TTYH3: variants seen among roughly 807,000 people sequenced by gnomAD.
TTYH3 encodes protein tweety homolog 3.
In TTYH3, 23 loss-of-function variants were observed where a neutral mutation model predicts 68.2. The observed-to-expected ratio is 0.34, with a 90% CI of 0.24 to 0.48. The LOEUF is 0.48. Among genes scored for constraint, TTYH3 ranks in the 20% least tolerant of loss-of-function variants. The pLI, the probability that TTYH3 is intolerant of heterozygous loss-of-function variation, is 0.99. For synonymous variants in TTYH3, 360 were observed against 332.8 expected, an observed-to-expected ratio of 1.08 and a Z score of -0.89; for missense variants, 768 against 727.7, an observed-to-expected ratio of 1.06 and a Z score of -0.64.
chr7:2,662,951 C>T lies in TTYH3; in HGVS notation c.*1212C>T, dbSNP rs113829011. On this transcript the variant is annotated 3_prime_UTR_variant, in exon 14 of 14. Transcript: ENST00000258796. Reference sequence around the variant, plus strand: ...GGTGCTGCCCCAGGAGGACTGTCCTCGGGAATGAACCTCCCGCGGGCTTTG... The same window carrying T: ...GGTGCTGCCCCAGGAGGACTGTCCTTGGGAATGAACCTCCCGCGGGCTTTG... 10 of 152,278 alleles carry T rather than the reference C, an allele frequency of 6.6e-5. No individual in the cohort carries two copies. Among genetic ancestry groups the T allele is most frequent in the African/African-American group, 1.7e-4 (7 of 41,466 alleles). The allele number at this position is 152,278 out of a possible 1,614,324, so 9.4% of individuals were successfully genotyped here. A position where few individuals can be genotyped will look rare whatever the true frequency, so the allele number is the denominator to read the frequency against.
rs1189467365 is a variant in TTYH3 at position 2,652,920 on chromosome 7, G to A, written c.930G>A (p.Lys310=). ...ACTTGGTCTCCTCTCTGGAGCAGAA[G>A]CTGTCGGGCAGCCACAAGGCACTGG... ...SPRAANPFQQ[K]LSGSHKALVE... Residue 310 remains lysine, a splice_region_variant and synonymous_variant, in exon 9 of 14, where the codon AAG becomes AAA. Coordinates refer to ENST00000258796, the MANE Select transcript of TTYH3 (RefSeq NM_025250.3). 1.9e-6 allele frequency: 3 copies of A among 1,562,602 alleles called. No individual in the cohort carries two copies. The highest frequency in any genetic ancestry group is 2.6e-6 in the Non-Finnish European group (3 of 1,152,568).
chr7:2,659,146 C>G (rs1406990476), intron 13 of TTYH3, 131 bp downstream of exon 13: 1 of 908,398 alleles, frequency 1.1e-6, no homozygotes, highest in Non-Finnish European at 1.7e-6. Context: ...GCTGCCACCA[C>G]CGGGGTCCCA....
chr7:2,654,418 A>G lies in TTYH3; in HGVS notation c.1020+1408A>G, dbSNP rs558306936. 6.6e-5 allele frequency among the ~76,000 whole-genome samples: 10 copies of G among 151,810 alleles called. No individual in the cohort carries two copies. The South Asian group carries it at 1.9e-3, about 28-fold the overall frequency. On this transcript the variant is annotated intron_variant, in intron 9 of 13. Coordinates refer to ENST00000258796, the MANE Select transcript of TTYH3 (RefSeq NM_025250.3). The stretch of plus-strand genomic sequence containing the variant: ...TCTCTCTCTCTTTCTCTCTGTATGT[A>G]TGTGTATATATATATAACATATATA...
intron 1 of TTYH3, among the ~76,000 whole-genome samples, chr7:2,644,780 C>T (rs1785937013): frequency 1.3e-5 from 2 of 152,208 alleles, no homozygotes; most frequent in Admixed American, 6.5e-5. Context: ...CTGGTCAGCA[C>T]CTCCCTGGCT....
At chr7:2,635,994 A>C (rs1401795465) in intron 1 of TTYH3, among the ~76,000 whole-genome samples, 1 of 152,144 alleles carries the variant, frequency 6.6e-6, no homozygotes, top group Admixed American at 6.6e-5. Context: ...GCGCACGGGG[A>C]ATGTGCTGCC....
At chr7:2,660,455 C>T (rs760316733) in intron 13 of TTYH3, 91 of 985,324 alleles carry the variant, frequency 9.2e-5, no homozygotes, top group Admixed American at 2.5e-4. Flanking sequence ...CGGACAGGCA[C>T]GTGCCGGCGA....
At chr7:2,635,406 C>T (rs549081528) in intron 1 of TTYH3, among the ~76,000 whole-genome samples, 77 of 152,220 alleles carry the variant, frequency 5.1e-4, no homozygotes, top group Admixed American at 1.0e-3. Flanking sequence ...GCCTGCTCAG[C>T]TCCCACCAGC....
rs1442901175 is a variant in TTYH3, at chr7:2,647,575, G to C, written c.563G>C (p.Trp188Ser). 5 of 1,571,046 alleles carry C rather than the reference G, an allele frequency of 3.2e-6. No homozygotes were observed. Among genetic ancestry groups the C allele is most frequent in the Non-Finnish European group, 4.3e-6 (5 of 1,159,096 alleles). ...GGCTACACGGCCGCCATCCCCTTTT[G>C]GAGGAACACGGCGGTGTCGCTGGAG... ...LLGYTAAIPFWRNTAVSLEVL... is the reference protein window; with the variant it reads ...LLGYTAAIPFSRNTAVSLEVL... Residue 188 changes from tryptophan to serine, a missense_variant, in exon 4 of 14, where the codon TGG (tryptophan) becomes TCG (serine). Physicochemically the swap from Trp to Ser is radical, Grantham distance 177. Coordinates refer to ENST00000258796, the MANE Select transcript of TTYH3 (RefSeq NM_025250.3).
intron 13 of TTYH3, chr7:2,659,895 CT>C: frequency 8.3e-7 from 1 of 1,205,888 alleles, no homozygotes; most frequent in Non-Finnish European, 1.1e-6. Flanking sequence ...GCCACACTCT[CT>C]CTCTCTCTCT....
At chr7:2,659,223 C>A (rs765570013) in intron 13 of TTYH3, among the ~76,000 whole-genome samples, 13 of 152,186 alleles carry the variant, frequency 8.5e-5, no homozygotes, top group Non-Finnish European at 1.8e-4. Flanking sequence ...CTGGGTGGGA[C>A]TGCCAGCTCC....
At chr7:2,634,722 C>A (rs190928797) in intron 1 of TTYH3, among the ~76,000 whole-genome samples, 1 of 152,110 alleles carries the variant, frequency 6.6e-6, no homozygotes, top group African/African-American at 2.4e-5. Flanking sequence ...CAAGGCCCTG[C>A]GTGGGACTGC....
At chr7:2,654,006 C>T (rs1189247849) in intron 9 of TTYH3, among the ~76,000 whole-genome samples, 3 of 152,244 alleles carry the variant, frequency 2.0e-5, no homozygotes, top group Admixed American at 6.5e-5. Flanking sequence ...GGGAGGAGTG[C>T]GTCTGTGGGC....
intron 8 of TTYH3, chr7:2,652,702 G>T: frequency 1.7e-6 from 1 of 583,184 alleles, no homozygotes; most frequent in Non-Finnish European, 3.1e-6. Flanking sequence ...GCTGGTGTGG[G>T]TGCGTGGTTG....
intron 1 of TTYH3, among the ~76,000 whole-genome samples, chr7:2,634,222 C>T (rs1190265298): frequency 6.6e-6 from 1 of 152,238 alleles, no homozygotes; most frequent in East Asian, 1.9e-4. Context: ...GGCGTGCGTC[C>T]TGCCCCTGCC....
In TTYH3 at chr7:2,661,405, C is replaced by T. The variant is rs1050928404; in HGVS notation, c.1501-263C>T. Among the ~76,000 whole-genome samples the T allele has an allele frequency of 6.6e-5, 10 of 152,022 alleles. No homozygotes were observed. The South Asian group carries it at 1.9e-3, about 28-fold the overall frequency. The stretch of plus-strand genomic sequence containing the variant: ...ATGGGAGGCTGTGTGTACGCCCCTC[C>T]TCAGAGGAGACATCCCCTGTCCTGA... On this transcript the variant is annotated intron_variant, in intron 13 of 13. Transcript: ENST00000258796.
At position 2,652,962 on chromosome 7, in the gene TTYH3, C is replaced by T. The variant is rs760148303; in HGVS notation, c.972C>T (p.Val324=). The T allele has an allele frequency of 2.2e-5, 35 of 1,576,174 alleles. 1 individual carries two copies. The highest frequency in any genetic ancestry group is 6.9e-5 in the East Asian group (3 of 43,744). Residue 324 remains valine, a synonymous_variant, in exon 9 of 14, where the codon GTC becomes GTT. Coordinates refer to ENST00000258796, the MANE Select transcript of TTYH3 (RefSeq NM_025250.3). ...SHKALVEMQD[V]VAELLRTVPW... is the part of the protein sequence containing the mutation. The stretch of plus-strand genomic sequence containing the variant: ...AGGCACTGGTGGAGATGCAGGATGT[C>T]GTGGCTGAGCTTCTGAGGACCGTCC...
rs903524105 is a variant in TTYH3, at chr7:2,660,275, G to A, written c.1500+1260G>A. On this transcript the variant is annotated intron_variant, in intron 13 of 13. Coordinates refer to ENST00000258796, the MANE Select transcript of TTYH3 (RefSeq NM_025250.3). ...TCCCCTTCCAGGCTCCCCCTGCCCA[G>A]TTGCTTGGCCTCTGGGGACTCTGCC... 12 of 985,258 alleles carry A rather than the reference G, an allele frequency of 1.2e-5. No individual in the cohort carries two copies. The African/African-American group carries it at 2.1e-4, about 17-fold the overall frequency. The allele number at this position is 985,258 out of a possible 1,614,324, so 61.0% of individuals were successfully genotyped here. A position where few individuals can be genotyped will look rare whatever the true frequency, so the allele number is the denominator to read the frequency against.
chr7:2,656,058 G>T lies in TTYH3; in HGVS notation c.1021-34G>T, dbSNP rs1440893889. The T allele has an allele frequency of 3.3e-6, 5 of 1,495,960 alleles. No homozygotes were observed. The Admixed American group carries it at 1.0e-4, about 30-fold the overall frequency. The allele number at this position is 1,495,960 out of a possible 1,614,324, so 92.7% of individuals were successfully genotyped here. A position where few individuals can be genotyped will look rare whatever the true frequency, so the allele number is the denominator to read the frequency against. On this transcript the variant is annotated intron_variant, in intron 9 of 13. Transcript: ENST00000258796. ...CTGGCTCGAGGTCCCCCGTCCAAAT[G>T]AAGTGCTGACCATCTGCGGTGCGTG...
rs960285359 is a variant in TTYH3 at position 2,645,810 on chromosome 7, C to T, written c.124-1043C>T. On this transcript the variant is annotated intron_variant, in intron 1 of 13. Coordinates refer to ENST00000258796, the MANE Select transcript of TTYH3 (RefSeq NM_025250.3). This position sits in a 1 kb window ranked among gnomAD's most constrained non-coding sequence, Gnocchi z 4.8. ...GTCAGCAAGAGGGGGTTCAGTCCCCCACAGGCTCCCAATTTCCCTACCAGA... is the reference window on the plus strand; with the variant it reads ...GTCAGCAAGAGGGGGTTCAGTCCCCTACAGGCTCCCAATTTCCCTACCAGA... The T allele has an allele frequency of 7.6e-5, 36 of 470,866 alleles. No individual in the cohort carries two copies. Among genetic ancestry groups the T allele is most frequent in the African/African-American group, 6.4e-4 (32 of 50,074 alleles). The allele number at this position is 470,866 out of a possible 1,614,324, so 29.2% of individuals were successfully genotyped here. A position where few individuals can be genotyped will look rare whatever the true frequency, so the allele number is the denominator to read the frequency against.
Sources: allele counts gnomAD v4.1 joint callset (sites outside exome capture counted in the v4.1 genomes callset), GRCh38; gene constraint gnomAD v4.1.1; non-coding constraint Gnocchi (gnomAD v3.1); transcripts MANE v1.5; gene names NCBI Gene and HGNC (gene_info 2026-07-23, HGNC 2026-07-21).